Variants in TP63 observed in about 807,000 individuals in gnomAD.
TP63 encodes tumor protein 63.
A neutral mutation model predicts 82.8 loss-of-function variants in TP63; 17 were observed. That is an observed-to-expected ratio of 0.21 (90% CI 0.14 to 0.31). The LOEUF is 0.31. TP63 is among the 10% of genes least tolerant of loss of function. The pLI is 1.00. For synonymous variants in TP63, 330 were observed against 321.7 expected (o/e 1.03, Z -0.28); for missense variants, 648 against 895.3 (o/e 0.72, Z 3.52).
At chr3:189,844,218 C>G in intron 4 of TP63, 2 of 393,972 alleles carry the variant, frequency 5.1e-6, no homozygotes, top group African/African-American at 2.1e-5. Context: ...GTCTCCCAGG[C>G]TGGAGTGCAA....
chr3:189,795,978 C>T (rs914182756), intron 3 of TP63, among the ~76,000 whole-genome samples: 1 of 151,972 alleles, frequency 6.6e-6, no homozygotes, highest in Non-Finnish European at 1.5e-5. Flanking sequence ...AAGCTAGGAA[C>T]AAAATTCAAA....
At position 189,848,253 on chromosome 3, in the gene TP63, C is replaced by CTCTCTCTCTCTCTCTCTCTG. The variant is rs1304195938; in HGVS notation, c.580-15962_580-15961insCTGTCTCTCTCTCTCTCTCT. ...CCTCCTCCTCCTTCTCTCTCTCTCT[C>CTCTCTCTCTCTCTCTCTCTG]TCTCTCTCTCTCTCTCTGTTGCCTA... On this transcript the variant is annotated intron_variant, in intron 4 of 13. Transcript: ENST00000264731. Among the ~76,000 whole-genome samples, 8 of 149,686 alleles carry CTCTCTCTCTCTCTCTCTCTG rather than the reference C, an allele frequency of 5.3e-5. 1 individual carries two copies. The highest frequency in any genetic ancestry group is 1.2e-4 in the Non-Finnish European group (8 of 67,444).
At chr3:189,718,991 T>G (rs572985150) in intron 1 of TP63, among the ~76,000 whole-genome samples, 104 of 152,260 alleles carry the variant, frequency 6.8e-4, no homozygotes, top group African/African-American at 2.4e-3. Flanking sequence ...TCTCTAGCTC[T>G]TTGTGAGGAG....
At chr3:189,685,533 A>G (rs1008576323) in intron 1 of TP63, among the ~76,000 whole-genome samples, 8 of 152,168 alleles carry the variant, frequency 5.3e-5, no homozygotes, top group Non-Finnish European at 8.8e-5. Flanking sequence ...AACCTCTCTC[A>G]TAACATATGG....
Position 189,775,341 on chromosome 3 carries a change from C to T in TP63, c.325-32931C>T, listed in dbSNP as rs77414788. Reference sequence around the variant, plus strand: ...GTTAACTTGTTTACATCTTCAAACTCATTCTGCCTCAAGTCAGTCTTATTT... The same window carrying T: ...GTTAACTTGTTTACATCTTCAAACTTATTCTGCCTCAAGTCAGTCTTATTT... On this transcript the variant is annotated intron_variant, in intron 3 of 13. Coordinates refer to ENST00000264731, the MANE Select transcript of TP63 (RefSeq NM_003722.5). Among the ~76,000 whole-genome samples the T allele has an allele frequency of 6.9e-3, 1,047 of 151,928 alleles. 4 individuals are homozygous for T. The highest frequency in any genetic ancestry group is 0.033 in the South Asian group (157 of 4,810).
rs932646409 is a variant in TP63, at chr3:189,896,166, A to G, written c.*1664A>G. 4.1e-5 allele frequency: 9 copies of G among 219,950 alleles called. No homozygotes were observed. Among genetic ancestry groups the G allele is most frequent in the Admixed American group, 1.2e-4 (2 of 17,278 alleles). 13.6% of individuals were successfully genotyped at this position (219,950 alleles called of 1,614,324 possible). ...CTGGTCAAGGGCTGTCATTGCACAT[A>G]AGCTTCCATTTTAATTTTAAAGTGC... is the stretch of plus-strand genomic sequence containing the variant. On this transcript the variant is annotated 3_prime_UTR_variant, in exon 14 of 14. Transcript: ENST00000264731.
chr3:189,868,438 T>A, intron 7 of TP63, 142 bp from the exon 8 acceptor site: 1 of 1,186,480 alleles, frequency 8.4e-7, no homozygotes, highest in East Asian at 2.6e-5. Context: ...CAAGTGCTTT[T>A]GGGTCCATTC....
chr3:189,846,299 C>G (rs1041595830), intron 4 of TP63, among the ~76,000 whole-genome samples: 1 of 152,116 alleles, frequency 6.6e-6, no homozygotes, highest in East Asian at 1.9e-4. Flanking sequence ...TTAGGCAAAG[C>G]TTACTTATCC....
At chr3:189,766,811 A>G (rs1237608630) in intron 3 of TP63, among the ~76,000 whole-genome samples, 1 of 152,216 alleles carries the variant, frequency 6.6e-6, no homozygotes, top group African/African-American at 2.4e-5. Flanking sequence ...AGTAACAAAA[A>G]CAGAAACAAT....
At chr3:189,888,373 C>G (rs951222795) in intron 11 of TP63, among the ~76,000 whole-genome samples, 1 of 152,200 alleles carries the variant, frequency 6.6e-6, no homozygotes, top group African/African-American at 2.4e-5. Flanking sequence ...TTAGAGTCCT[C>G]AAGTTCCTTC....
At chr3:189,724,392 A>G (rs1185027293) in intron 1 of TP63, among the ~76,000 whole-genome samples, 1 of 152,144 alleles carries the variant, frequency 6.6e-6, no homozygotes, top group Non-Finnish European at 1.5e-5. Context: ...TAAGTTTTTT[A>G]GAGGTGATTT....
intron 1 of TP63, among the ~76,000 whole-genome samples, chr3:189,693,901 T>A (rs1482053004): frequency 1.3e-5 from 2 of 152,302 alleles, no homozygotes; most frequent in East Asian, 3.9e-4. Context: ...TAGATGAAGA[T>A]GATTTTAAAA....
chr3:189,880,646 G>A (rs1719811923), intron 10 of TP63: 1 of 985,572 alleles, frequency 1.0e-6, no homozygotes, highest in Non-Finnish European at 1.2e-6. Flanking sequence ...TAAGTTGTAG[G>A]TGACTGAGAG....
chr3:189,887,734 A>G (rs1720600556), intron 11 of TP63, among the ~76,000 whole-genome samples: 1 of 152,184 alleles, frequency 6.6e-6, no homozygotes, highest in Non-Finnish European at 1.5e-5. Context: ...TTGTCTTTTG[A>G]AATCCTAATT....
chr3:189,614,926 G>A, the TP63 span, among the ~76,000 whole-genome samples: 2 of 152,142 alleles, frequency 1.3e-5, no homozygotes, highest in African/African-American at 4.8e-5. Context: ...CCCACTCAAG[G>A]ACAGACAATG....
chr3:189,814,707 A>G (rs1727969842), intron 4 of TP63, among the ~76,000 whole-genome samples: 1 of 152,216 alleles, frequency 6.6e-6, no homozygotes, highest in African/African-American at 2.4e-5. Context: ...TAAAATGAAT[A>G]TTCATTGTAA....
chr3:189,716,119 A>C (rs767474986), intron 1 of TP63, among the ~76,000 whole-genome samples: 1 of 152,228 alleles, frequency 6.6e-6, no homozygotes, highest in Non-Finnish European at 1.5e-5. Flanking sequence ...AACTTGGTTC[A>C]AGTCAAACAT....
chr3:189,602,340 T>G, the TP63 span, among the ~76,000 whole-genome samples: 2 of 152,112 alleles, frequency 1.3e-5, no homozygotes, highest in Admixed American at 6.5e-5. Context: ...AGAAGAGAGA[T>G]ATTAATGGAT....
At chr3:189,761,880 C>CAG (rs976587816) in intron 3 of TP63, among the ~76,000 whole-genome samples, 4 of 152,190 alleles carry the variant, frequency 2.6e-5, no homozygotes, top group African/African-American at 4.8e-5. Flanking sequence ...TGGCAGCAGG[C>CAG]AGAGAGAGCT....
Sources: allele counts gnomAD v4.1 joint callset (sites outside exome capture counted in the v4.1 genomes callset), GRCh38; gene constraint gnomAD v4.1.1; transcripts MANE v1.5; gene names NCBI Gene and HGNC (gene_info 2026-07-23, HGNC 2026-07-21).